The following BACH2 variants were observed in gnomAD, a reference collection of about 807,000 sequenced individuals.
BACH2 encodes the protein BACH transcriptional regulator 2.
A neutral mutation model predicts 61.8 loss-of-function variants in BACH2; 5 were observed. The ratio of observed to expected loss-of-function variants is 0.08; its 90% confidence interval spans 0.04 to 0.17. BACH2 has a LOEUF of 0.17. Ranked by LOEUF, BACH2 falls within the 10% of genes least tolerant of loss-of-function variation. The pLI, the probability that BACH2 is intolerant of heterozygous loss-of-function variation, is 1.00. For synonymous variants in BACH2, 446 were observed against 440.1 expected (o/e 1.01, Z -0.17); for missense variants, 824 against 1,091.1 (o/e 0.76, Z 3.45).
chr6:90,217,840 T>C (rs1769591633), intron 3 of BACH2: 1 of 152,070 alleles, frequency 6.6e-6, no homozygotes, highest in East Asian at 1.9e-4. Context: ...TGAGAGTTGG[T>C]CTTTTTTTTT....
At chr6:90,264,271 G>T (rs919714447) in intron 2 of BACH2, among the ~76,000 whole-genome samples, 1 of 152,064 alleles carries the variant, frequency 6.6e-6, no homozygotes, top group Non-Finnish European at 1.5e-5. Flanking sequence ...TTATTCTTCA[G>T]AAATGATGCT....
At chr6:90,247,087 A>T (rs927671079) in intron 3 of BACH2, among the ~76,000 whole-genome samples, 1 of 152,228 alleles carries the variant, frequency 6.6e-6, no homozygotes, top group Non-Finnish European at 1.5e-5. Flanking sequence ...GCTAAAGACC[A>T]CATATAAATT....
intron 3 of BACH2, among the ~76,000 whole-genome samples, chr6:90,224,099 CAG>C (rs1219597273): frequency 2.6e-5 from 4 of 152,206 alleles, no homozygotes; most frequent in African/African-American, 9.7e-5. Flanking sequence ...GAAATTATAA[CAG>C]TTCTTTAGCA....
chr6:89,951,763 A>G lies in BACH2; in HGVS notation c.343T>C (p.Phe115Leu). ...TCCTCCAGGTTGTGCATGCGCAGGA[A>G]CTCAGCACAGCGGATGACCTCGCGG... ...NIREVIRCAE[F>L]LRMHNLEDSC... The change falls in exon 7 of 9, where the codon TTC (phenylalanine) becomes CTC (leucine). Residue 115 changes from phenylalanine to leucine, a missense_variant. Coordinates refer to ENST00000257749, the MANE Select transcript of BACH2 (RefSeq NM_021813.4). This position sits in a 1 kb window ranked among gnomAD's most constrained non-coding sequence, Gnocchi z 6.4. 2 of 1,614,154 alleles carry G rather than the reference A, an allele frequency of 1.2e-6. No individual in the cohort carries two copies. The highest frequency in any genetic ancestry group is 1.3e-5 in the African/African-American group (1 of 75,026).
intron 5 of BACH2, among the ~76,000 whole-genome samples, chr6:90,070,581 C>T (rs541525233): frequency 2.0e-5 from 3 of 152,162 alleles, no homozygotes; most frequent in Non-Finnish European, 4.4e-5. Flanking sequence ...TTAGGGCTAT[C>T]TGGTTCGTGC....
chr6:90,253,248 A>C (rs1369045109), intron 2 of BACH2, among the ~76,000 whole-genome samples: 2 of 152,156 alleles, frequency 1.3e-5, no homozygotes, highest in African/African-American at 2.4e-5. Context: ...TTGCCTCAAA[A>C]AAAAAAGGGA....
At chr6:89,980,357 A>G (rs111735617) in intron 6 of BACH2, among the ~76,000 whole-genome samples, 6 of 152,172 alleles carry the variant, frequency 3.9e-5, no homozygotes, top group African/African-American at 1.4e-4. Context: ...GGTAAAATGA[A>G]AACTGAAAAG....
chr6:89,962,152 T>G (rs1774781031), intron 6 of BACH2, among the ~76,000 whole-genome samples: 1 of 152,184 alleles, frequency 6.6e-6, no homozygotes. Context: ...CTGAAAGATT[T>G]TGACCATAGC....
Position 90,206,660 on chromosome 6 carries a change from C to T in BACH2, c.-253G>A, listed in dbSNP as rs1046287785. ...ATTCTCCTCATTCCTGGAGCCCTCA[C>T]TTTCTGAAGCAGACAGCTGCACTGT... On this transcript the variant is annotated 5_prime_UTR_variant, in exon 4 of 9. The change creates a new upstream start codon in the 5' untranslated region. Coordinates refer to ENST00000257749, the MANE Select transcript of BACH2 (RefSeq NM_021813.4). The T allele has an allele frequency of 1.3e-5, 2 of 152,410 alleles. No individual in the cohort carries two copies. Among genetic ancestry groups the T allele is most frequent in the East Asian group, 1.9e-4 (1 of 5,330 alleles). The allele number at this position is 152,410 out of a possible 1,614,324, so 9.4% of individuals were successfully genotyped here.
In BACH2 at chr6:90,028,594, C is replaced by T. The variant is rs552144927; in HGVS notation, c.-12-19738G>A. Among the ~76,000 whole-genome samples the T allele has an allele frequency of 2.8e-4, 42 of 152,320 alleles. 1 individual carries two copies. The highest frequency in any genetic ancestry group is 5.9e-4 in the Admixed American group (9 of 15,304). On this transcript the variant is annotated intron_variant, in intron 5 of 8. Coordinates refer to ENST00000257749, the MANE Select transcript of BACH2 (RefSeq NM_021813.4). ...CCACAATGCTACCTCAGACAAACCA[C>T]GTGAGCTCTCTGTAAAGATTTCTCA...
At chr6:89,947,662 C>T (rs187342028) in intron 7 of BACH2, among the ~76,000 whole-genome samples, 74 of 151,922 alleles carry the variant, frequency 4.9e-4, no homozygotes, top group East Asian at 4.3e-3. Context: ...GCCTCCCGGG[C>T]TCACGCCATT....
chr6:90,026,826 C>G (rs1434262177), intron 5 of BACH2, among the ~76,000 whole-genome samples: 1 of 152,130 alleles, frequency 6.6e-6, no homozygotes, highest in African/African-American at 2.4e-5. Flanking sequence ...GCATGGGGGT[C>G]TTTTGGACAA....
At chr6:90,082,715 G>GT (rs1781776299) in intron 5 of BACH2, among the ~76,000 whole-genome samples, 3 of 152,236 alleles carry the variant, frequency 2.0e-5, no homozygotes, top group Admixed American at 2.0e-4. Flanking sequence ...TAGAATACAT[G>GT]TATCACTTTG....
At position 89,927,270 on chromosome 6, in the gene BACH2, G is replaced by A. The variant is rs973365452; in HGVS notation, c.*5138C>T. The A allele has an allele frequency of 1.3e-5, 2 of 151,680 alleles. No individual in the cohort carries two copies. Among genetic ancestry groups the A allele is most frequent in the Non-Finnish European group, 2.9e-5 (2 of 68,056 alleles). 9.4% of individuals were successfully genotyped at this position (151,680 alleles called of 1,614,324 possible). A position where few individuals can be genotyped will look rare whatever the true frequency, so the allele number is the denominator to read the frequency against. Reference sequence around the variant, plus strand: ...AGGTGCCATGTCTTTATGTCAGAGCGTGAAACGGGCATCCCAGGATTTGCA... The same window carrying A: ...AGGTGCCATGTCTTTATGTCAGAGCATGAAACGGGCATCCCAGGATTTGCA... On this transcript the variant is annotated 3_prime_UTR_variant, in exon 9 of 9. Transcript: ENST00000257749.
At chr6:90,229,577 T>C (rs1404685046) in intron 3 of BACH2, among the ~76,000 whole-genome samples, 1 of 152,164 alleles carries the variant, frequency 6.6e-6, no homozygotes, top group African/African-American at 2.4e-5. Context: ...CTAGACTCTG[T>C]CAGTACAAGA....
At chr6:90,141,833 C>A (rs1434964691) in intron 4 of BACH2, among the ~76,000 whole-genome samples, 1 of 152,192 alleles carries the variant, frequency 6.6e-6, no homozygotes, top group African/African-American at 2.4e-5. Flanking sequence ...GTAATCCCAG[C>A]ACTTTGGGAG....
At chr6:90,205,098 C>T (rs1769096211) in intron 4 of BACH2, among the ~76,000 whole-genome samples, 1 of 152,146 alleles carries the variant, frequency 6.6e-6, no homozygotes, top group African/African-American at 2.4e-5. Flanking sequence ...TGCCCAGGGC[C>T]CTTCGTGCCC....
intron 6 of BACH2, among the ~76,000 whole-genome samples, chr6:90,006,170 G>C (rs1348496379): frequency 6.6e-6 from 1 of 152,122 alleles, no homozygotes; most frequent in African/African-American, 2.4e-5. Context: ...TTCAAGGCAG[G>C]AGGATCCCTT....
At chr6:90,111,044 T>C (rs1397218152) in intron 4 of BACH2, among the ~76,000 whole-genome samples, 1 of 152,232 alleles carries the variant, frequency 6.6e-6, no homozygotes, top group Non-Finnish European at 1.5e-5. Context: ...GGTACCACTA[T>C]CTTGTTTCGT....
Sources: gnomAD v4.1 joint callset for allele counts (sites outside exome capture counted in the v4.1 genomes callset) on GRCh38, gnomAD v4.1.1 for gene constraint, Gnocchi (gnomAD v3.1) non-coding constraint, MANE v1.5 for transcripts, NCBI Gene and HGNC (gene_info 2026-07-23, HGNC 2026-07-21) for gene names.